Variants in CREB3L2 observed in about 807,000 individuals in gnomAD.
CREB3L2 encodes the protein cyclic AMP-responsive element-binding protein 3-like protein 2.
A neutral mutation model predicts 57.2 loss-of-function variants in CREB3L2; 23 were observed. The observed-to-expected ratio is 0.40, with a 90% CI of 0.29 to 0.57. CREB3L2 has a LOEUF of 0.57. Among genes scored for constraint, CREB3L2 ranks in the 20% least tolerant of loss-of-function variants. The pLI, the probability that CREB3L2 is intolerant of heterozygous loss-of-function variation, is 0.42. For synonymous variants in CREB3L2, 268 were observed against 265.1 expected (o/e 1.01, Z -0.11); for missense variants, 628 against 634.7 (o/e 0.99, Z 0.11).
At chr7:137,974,562 G>A (rs1325191742) in intron 1 of CREB3L2, among the ~76,000 whole-genome samples, 3 of 152,182 alleles carry the variant, frequency 2.0e-5, no homozygotes, top group Admixed American at 6.5e-5. Flanking sequence ...GGGATGACAC[G>A]AAAGAGAGAG....
intron 1 of CREB3L2, among the ~76,000 whole-genome samples, chr7:137,944,076 G>C (rs1473587967): frequency 6.6e-6 from 1 of 152,112 alleles, no homozygotes; most frequent in African/African-American, 2.4e-5. Context: ...TTTCCCCATT[G>C]ATCTGAATAC....
intron 8 of CREB3L2, among the ~76,000 whole-genome samples, chr7:137,892,082 C>G (rs1585596612): frequency 6.6e-6 from 1 of 152,132 alleles, no homozygotes; most frequent in South Asian, 2.1e-4. Flanking sequence ...AATTCCAAAT[C>G]ATGAACCATT....
chr7:137,966,153 T>A (rs887634371), intron 1 of CREB3L2, among the ~76,000 whole-genome samples: 1 of 152,074 alleles, frequency 6.6e-6, no homozygotes, highest in African/African-American at 2.4e-5. Flanking sequence ...AAGATACAGA[T>A]CAGAGACAGG....
Position 137,876,126 on chromosome 7 carries a change from T to G in CREB3L2, c.*4350A>C, listed in dbSNP as rs892724616. On this transcript the variant is annotated 3_prime_UTR_variant, in exon 12 of 12. Coordinates refer to ENST00000330387, the MANE Select transcript of CREB3L2 (RefSeq NM_194071.4). ...AATGGACGTAACCCTATTTCTTTTC[T>G]CCTGATGTGCAAATCTGATAGTGGC... 4.3e-6 allele frequency: 1 copy of G among 232,588 alleles called. No individual in the cohort carries two copies. Among genetic ancestry groups the G allele is most frequent in the Non-Finnish European group, 8.5e-6 (1 of 117,458 alleles). 14.4% of individuals were successfully genotyped at this position (232,588 alleles called of 1,614,324 possible). A position where few individuals can be genotyped will look rare whatever the true frequency, so the allele number is the denominator to read the frequency against.
intron 2 of CREB3L2, among the ~76,000 whole-genome samples, chr7:137,922,384 G>GTATA (rs1175503933): frequency 0.027 from 527 of 19,362 alleles, 9 homozygotes; most frequent in South Asian, 0.044. Flanking sequence ...ATATATATAT[G>GTATA]TATATATATA....
chr7:137,949,886 G>A (rs1801065065), intron 1 of CREB3L2, among the ~76,000 whole-genome samples: 1 of 152,220 alleles, frequency 6.6e-6, no homozygotes, highest in Non-Finnish European at 1.5e-5. Context: ...AAAGGTCACT[G>A]TCAAGATGAC....
At position 137,875,270 on chromosome 7, in the gene CREB3L2, G is replaced by A. The variant is rs1585579008; in HGVS notation, c.*5206C>T. On this transcript the variant is annotated 3_prime_UTR_variant, in exon 12 of 12. Transcript: ENST00000330387. ...ACATTAAAGCTCACCGTTGATTATAGCTCAGGGCCTGCTCAGCATTGTTTA... is the reference window on the plus strand; with the variant it reads ...ACATTAAAGCTCACCGTTGATTATAACTCAGGGCCTGCTCAGCATTGTTTA... The A allele has an allele frequency of 4.5e-6, 1 of 219,802 alleles. No individual in the cohort carries two copies. The highest frequency in any genetic ancestry group is 9.1e-6 in the Non-Finnish European group (1 of 109,306). 13.6% of individuals were successfully genotyped at this position (219,802 alleles called of 1,614,324 possible). A position where few individuals can be genotyped will look rare whatever the true frequency, so the allele number is the denominator to read the frequency against.
At chr7:137,919,549 C>T (rs548865198) in intron 2 of CREB3L2, among the ~76,000 whole-genome samples, 2 of 152,304 alleles carry the variant, frequency 1.3e-5, no homozygotes, top group African/African-American at 2.4e-5. Context: ...GATCTCTGCA[C>T]TCTGGCCAGT....
intron 8 of CREB3L2, among the ~76,000 whole-genome samples, chr7:137,898,571 C>T (rs1388271943): frequency 6.6e-6 from 1 of 152,202 alleles, no homozygotes; most frequent in Admixed American, 6.5e-5. Flanking sequence ...ATTGATCTCT[C>T]TAGCCAATAA....
intron 2 of CREB3L2, among the ~76,000 whole-genome samples, chr7:137,926,889 C>T (rs1344091338): frequency 6.6e-6 from 1 of 152,270 alleles, no homozygotes; most frequent in East Asian, 1.9e-4. Flanking sequence ...TGGCTCATGC[C>T]TATAATCCTA....
chr7:137,908,563 G>T, intron 4 of CREB3L2, 127 bp from the exon 5 acceptor site: 1 of 564,214 alleles, frequency 1.8e-6, no homozygotes, highest in Non-Finnish European at 2.7e-6. Flanking sequence ...CCAAGGTGCA[G>T]AGCGTGGATA....
chr7:137,902,582 G>T (rs1328751893), intron 7 of CREB3L2, among the ~76,000 whole-genome samples: 1 of 152,132 alleles, frequency 6.6e-6, no homozygotes, highest in Non-Finnish European at 1.5e-5. Context: ...GTATTCAGGG[G>T]GGATTAGTTC....
At chr7:137,912,526 A>G (rs1477249944) in intron 4 of CREB3L2, among the ~76,000 whole-genome samples, 4 of 152,344 alleles carry the variant, frequency 2.6e-5, no homozygotes, top group East Asian at 1.9e-4. Flanking sequence ...TTCAAAGTCA[A>G]TGTTTACAAA....
At chr7:137,967,706 G>T (rs964286401) in intron 1 of CREB3L2, among the ~76,000 whole-genome samples, 1 of 152,062 alleles carries the variant, frequency 6.6e-6, no homozygotes, top group African/African-American at 2.4e-5. Flanking sequence ...GCTCCCGATC[G>T]CTGGAAACTG....
chr7:137,995,689 C>T lies in CREB3L2; in HGVS notation c.102+5915G>A, dbSNP rs1013358999. On this transcript the variant is annotated intron_variant, in intron 1 of 11. Transcript: ENST00000330387. ...GAGATAATTTACTTACTGTATGAGC[C>T]GATCTGAATCCATTTTCAGTTACTT... Among the ~76,000 whole-genome samples the T allele has an allele frequency of 3.9e-5, 6 of 152,140 alleles. No homozygotes were observed. The South Asian group carries it at 6.2e-4, about 16-fold the overall frequency.
chr7:137,996,844 C>T (rs1261147170), intron 1 of CREB3L2, among the ~76,000 whole-genome samples: 4 of 152,202 alleles, frequency 2.6e-5, no homozygotes, highest in African/African-American at 9.7e-5. Context: ...TATAGGAATT[C>T]TGCATTTTAA....
intron 2 of CREB3L2, among the ~76,000 whole-genome samples, chr7:137,926,394 T>C (rs1029327565): frequency 2.5e-4 from 38 of 152,178 alleles, no homozygotes; most frequent in Admixed American, 1.8e-3. Context: ...TGGAATACTA[T>C]ACAGCCATAA....
rs1268579267 is a variant in CREB3L2, at chr7:137,876,537, G to A, written c.*3939C>T. On this transcript the variant is annotated 3_prime_UTR_variant, in exon 12 of 12. Coordinates refer to ENST00000330387, the MANE Select transcript of CREB3L2 (RefSeq NM_194071.4). The stretch of plus-strand genomic sequence containing the variant: ...GGAGTAACTGAATGAGTGAGTGAAT[G>A]AACGAAACATCTAAGTCTTGTCTCT... 4.3e-6 allele frequency: 1 copy of A among 232,972 alleles called. No homozygotes were observed. Among genetic ancestry groups the A allele is most frequent in the Non-Finnish European group, 8.5e-6 (1 of 118,014 alleles). 14.4% of individuals were successfully genotyped at this position (232,972 alleles called of 1,614,324 possible).
chr7:137,994,584 A>G (rs1472796366), intron 1 of CREB3L2, among the ~76,000 whole-genome samples: 2 of 152,048 alleles, frequency 1.3e-5, no homozygotes, highest in Non-Finnish European at 2.9e-5. Flanking sequence ...CTGCACTTTC[A>G]AGAGGCTATT....
Sources: allele counts gnomAD v4.1 joint callset (sites outside exome capture counted in the v4.1 genomes callset), GRCh38; gene constraint gnomAD v4.1.1; transcripts MANE v1.5; gene names NCBI Gene and HGNC (gene_info 2026-07-23, HGNC 2026-07-21).